Variants in NKAIN2 observed in about 807,000 individuals in gnomAD.
The protein encoded by NKAIN2 is sodium/potassium transporting ATPase interacting 2.
NKAIN2 carries 14 observed loss-of-function variants against 32.6 expected under a neutral mutation model. The ratio of observed to expected loss-of-function variants is 0.43; its 90% confidence interval spans 0.28 to 0.67. The LOEUF (loss-of-function observed/expected upper bound fraction) is 0.67. NKAIN2 is among the 30% of genes least tolerant of loss of function. The pLI, the probability that NKAIN2 is intolerant of heterozygous loss-of-function variation, is 0.17. For missense variants in NKAIN2, 198 were observed against 258.3 expected, an observed-to-expected ratio of 0.77 and a Z score of 1.60; for synonymous variants, 80 against 87.2, an observed-to-expected ratio of 0.92 and a Z score of 0.46.
At chr6:124,350,008 G>A (rs968528184) in intron 2 of NKAIN2, among the ~76,000 whole-genome samples, 2 of 152,092 alleles carry the variant, frequency 1.3e-5, no homozygotes, top group African/African-American at 2.4e-5. Flanking sequence ...ATATCTCAAA[G>A]TTTCTGTCTG....
intron 1 of NKAIN2, among the ~76,000 whole-genome samples, chr6:124,158,471 T>G (rs1260430117): frequency 6.6e-6 from 1 of 152,182 alleles, no homozygotes; most frequent in Non-Finnish European, 1.5e-5. Context: ...TATGACAGTA[T>G]GCCAGAAAAT....
chr6:124,815,590 AC>A (rs11288381), intron 5 of NKAIN2, among the ~76,000 whole-genome samples: 6,510 of 151,996 alleles, frequency 0.043, 458 homozygotes, highest in African/African-American at 0.15. Context: ...TTAAGTGCAA[AC>A]TTTAAATAGA....
chr6:124,371,294 C>T (rs1026435294), intron 3 of NKAIN2, among the ~76,000 whole-genome samples: 11 of 151,746 alleles, frequency 7.2e-5, no homozygotes, highest in African/African-American at 2.2e-4. Context: ...TAATTGCTTA[C>T]GAGATAACGA....
rs1398338848 is a variant in NKAIN2, at chr6:123,833,133, G to A, written c.54+28879G>A. 6.6e-5 allele frequency among the ~76,000 whole-genome samples: 10 copies of A among 152,106 alleles called. 1 individual carries two copies. The highest frequency in any genetic ancestry group is 2.9e-5 in the Non-Finnish European group (2 of 68,024). On this transcript the variant is annotated intron_variant, in intron 1 of 6. Coordinates refer to ENST00000368417, the MANE Select transcript of NKAIN2 (RefSeq NM_001040214.3). The stretch of plus-strand genomic sequence containing the variant: ...TGTGTTGATTTTGTGAAAGGTGTAA[G>A]GTTTGTGTCTAGAGTCACTTTTTTT...
intron 1 of NKAIN2, among the ~76,000 whole-genome samples, chr6:123,837,083 A>G (rs1397379533): frequency 6.6e-6 from 1 of 152,116 alleles, no homozygotes; most frequent in Non-Finnish European, 1.5e-5. Flanking sequence ...AAATGAAATC[A>G]CCCATATTTT....
chr6:124,226,404 G>A (rs983295561), intron 1 of NKAIN2, among the ~76,000 whole-genome samples: 2 of 151,966 alleles, frequency 1.3e-5, no homozygotes, highest in Non-Finnish European at 2.9e-5. Context: ...CCCTGCTCGA[G>A]TGTTCTAACT....
chr6:123,867,251 T>G (rs1221071816), intron 1 of NKAIN2, among the ~76,000 whole-genome samples: 1 of 152,244 alleles, frequency 6.6e-6, no homozygotes, highest in Non-Finnish European at 1.5e-5. Flanking sequence ...ACATATGTAA[T>G]GCCCTGTCTT....
intron 2 of NKAIN2, among the ~76,000 whole-genome samples, chr6:124,321,220 C>T (rs756163830): frequency 1.3e-5 from 2 of 152,124 alleles, no homozygotes; most frequent in Non-Finnish European, 2.9e-5. Context: ...CCCCATTCCC[C>T]CTTTATTCTT....
chr6:123,866,226 C>CA (rs1772505462), intron 1 of NKAIN2, among the ~76,000 whole-genome samples: 1 of 152,158 alleles, frequency 6.6e-6, no homozygotes, highest in Non-Finnish European at 1.5e-5. Context: ...CTTTTTCCCT[C>CA]TCCTTTTGAC....
intron 3 of NKAIN2, among the ~76,000 whole-genome samples, chr6:124,604,952 C>G (rs898198905): frequency 2.6e-5 from 4 of 151,916 alleles, no homozygotes; most frequent in Non-Finnish European, 4.4e-5. Flanking sequence ...AGGAAAGACA[C>G]CCATTAATAT....
intron 1 of NKAIN2, among the ~76,000 whole-genome samples, chr6:124,040,385 A>C (rs1345219514): frequency 6.6e-6 from 1 of 151,696 alleles, no homozygotes; most frequent in Non-Finnish European, 1.5e-5. Flanking sequence ...AGTTATTTTC[A>C]TTCTTATTTG....
At chr6:124,425,379 T>G (rs1415390433) in intron 3 of NKAIN2, among the ~76,000 whole-genome samples, 1 of 152,034 alleles carries the variant, frequency 6.6e-6, no homozygotes, top group Non-Finnish European at 1.5e-5. Context: ...GAAGAAAATG[T>G]AGGGAAAATT....
intron 1 of NKAIN2, among the ~76,000 whole-genome samples, chr6:124,102,697 C>G (rs1310637659): frequency 1.3e-5 from 2 of 151,998 alleles, no homozygotes; most frequent in African/African-American, 2.4e-5. Flanking sequence ...TTCGAAGAGC[C>G]CTTTATGACT....
At chr6:123,990,126 G>A (rs1024200410) in intron 1 of NKAIN2, among the ~76,000 whole-genome samples, 3 of 152,010 alleles carry the variant, frequency 2.0e-5, no homozygotes, top group Non-Finnish European at 2.9e-5. Context: ...TAAAACCATC[G>A]GATCTTGTGA....
intron 4 of NKAIN2, among the ~76,000 whole-genome samples, chr6:124,720,392 T>C (rs1175568842): frequency 6.6e-6 from 1 of 152,210 alleles, no homozygotes; most frequent in African/African-American, 2.4e-5. Flanking sequence ...GGATGCTTGA[T>C]TAATTAATTT....
chr6:124,725,892 T>C (rs993468494), intron 4 of NKAIN2, among the ~76,000 whole-genome samples: 17 of 152,342 alleles, frequency 1.1e-4, no homozygotes, highest in African/African-American at 4.1e-4. Flanking sequence ...TTGCCTCACT[T>C]GGGAAGCGCA....
At chr6:124,387,499 C>A (rs1164808436) in intron 3 of NKAIN2, among the ~76,000 whole-genome samples, 1 of 152,054 alleles carries the variant, frequency 6.6e-6, no homozygotes, top group Non-Finnish European at 1.5e-5. Flanking sequence ...TCTTATCTAT[C>A]ATTTTATGTC....
intron 3 of NKAIN2, among the ~76,000 whole-genome samples, chr6:124,531,447 G>C (rs576916): frequency 0.97 from 148,248 of 152,312 alleles, 72,266 homozygotes; most frequent in East Asian, 1. Context: ...ATTCAGTTTG[G>C]TAATGTTTTG....
At chr6:124,548,163 G>T (rs1780163098) in intron 3 of NKAIN2, among the ~76,000 whole-genome samples, 1 of 152,102 alleles carries the variant, frequency 6.6e-6, no homozygotes, top group Non-Finnish European at 1.5e-5. Flanking sequence ...ATCTAGTCCA[G>T]TCTGTAGTAT....
Sources: gnomAD v4.1 joint callset for allele counts (sites outside exome capture counted in the v4.1 genomes callset) on GRCh38, gnomAD v4.1.1 for gene constraint, MANE v1.5 for transcripts, NCBI Gene and HGNC (gene_info 2026-07-23, HGNC 2026-07-21) for gene names.